The following H6PD variants were observed in gnomAD, a reference collection of about 807,000 sequenced individuals.
H6PD encodes the protein GDH/6PGL endoplasmic bifunctional protein.
A neutral mutation model predicts 61.2 loss-of-function variants in H6PD; 48 were observed. The ratio of observed to expected loss-of-function variants is 0.78; its 90% CI spans 0.62 to 1.00. The LOEUF is 1.00. Among genes scored for constraint, H6PD ranks in the 50% least tolerant of loss-of-function variants. The pLI is 0.00. For synonymous variants in H6PD, 480 were observed against 457.9 expected, an observed-to-expected ratio of 1.05 and a Z score of -0.62; for missense variants, 1,093 against 1,065.0, an observed-to-expected ratio of 1.03 and a Z score of -0.37.
chr1:9,242,549 G>A, intron 1 of H6PD: 7 of 985,366 alleles, frequency 7.1e-6, no homozygotes, highest in Non-Finnish European at 8.4e-6. Flanking sequence ...GGAGGACTGT[G>A]GCAAACCTCA....
rs6688832 is a variant in H6PD, at chr1:9,263,851, G to C, written c.1358G>C (p.Arg453Pro). 6.6e-5 allele frequency: 107 copies of C among 1,613,794 alleles called. No homozygotes were observed. The South Asian group carries it at 6.8e-4, about 10-fold the overall frequency. Reference protein sequence around the residue: ...LSDYYAYSPVRERDAHSVLLS... With the variant: ...LSDYYAYSPVPERDAHSVLLS... ...GATTACTACGCCTACAGCCCTGTGCGGGAGCGGGACGCCCACTCCGTCCTC... is the reference window on the plus strand; with the variant it reads ...GATTACTACGCCTACAGCCCTGTGCCGGAGCGGGACGCCCACTCCGTCCTC... The change falls in exon 5 of 5, where the codon CGG (arginine) becomes CCG (proline). Residue 453 changes from arginine (R) to proline (P), a missense_variant. Arg to Pro is a moderately radical substitution (Grantham distance 103). Coordinates refer to ENST00000377403, the MANE Select transcript of H6PD (RefSeq NM_004285.4).
At position 9,264,065 on chromosome 1, in the gene H6PD, G is replaced by A. The variant is rs766339404; in HGVS notation, c.1572G>A (p.Gln524=). Residue 524 remains glutamine (Q), a synonymous_variant, in exon 5 of 5, where the codon CAG becomes CAA. Coordinates refer to ENST00000377403, the MANE Select transcript of H6PD (RefSeq NM_004285.4). The part of the protein sequence containing the change: ...EFSSGRLFFS[Q]QQPEQLVPGP... ...GTAGCGGCCGGTTGTTCTTTTCCCA[G>A]CAGCAGCCGGAGCAGCTGGTGCCAG... 18 of 1,613,972 alleles carry A rather than the reference G, an allele frequency of 1.1e-5. No individual in the cohort carries two copies. Among genetic ancestry groups the A allele is most frequent in the Non-Finnish European group, 1.5e-5 (18 of 1,180,032 alleles).
intron 1 of H6PD, among the ~76,000 whole-genome samples, chr1:9,244,318 T>G (rs964060422): frequency 1.3e-5 from 2 of 152,164 alleles, no homozygotes; most frequent in Admixed American, 1.3e-4. Context: ...TACAGCCAGG[T>G]TAAATAATTG....
intron 3 of H6PD, among the ~76,000 whole-genome samples, chr1:9,261,074 C>T (rs972816577): frequency 2.0e-5 from 3 of 152,062 alleles, no homozygotes; most frequent in Non-Finnish European, 4.4e-5. Flanking sequence ...TAGTCCAGGC[C>T]CTGTCGTCTC....
In H6PD at chr1:9,245,297, C is replaced by T; in HGVS notation, c.363C>T (p.Asn121=). Residue 121 remains asparagine (N), a synonymous_variant, in exon 2 of 5, where the codon AAC becomes AAT. Transcript: ENST00000377403. The surrounding 1 kb of genome is among the most constrained non-coding windows in gnomAD (Gnocchi z 4.8). ...LKTAEDYQAL[N]KDIEAQLQHA... ...CGGCCGAGGACTATCAGGCCCTGAA[C>T]AAGGACATCGAGGCACAGCTCCAGC... is the stretch of plus-strand genomic sequence containing the variant. The T allele has an allele frequency of 6.2e-7, 1 of 1,614,218 alleles. No homozygotes were observed. Among genetic ancestry groups the T allele is most frequent in the Non-Finnish European group, 8.5e-7 (1 of 1,180,038 alleles).
intron 3 of H6PD, among the ~76,000 whole-genome samples, chr1:9,247,789 C>G (rs1336327745): frequency 6.6e-6 from 1 of 152,126 alleles, no homozygotes; most frequent in African/African-American, 2.4e-5. Flanking sequence ...TCACTCCTTG[C>G]AGCTGTGAGA....
intron 3 of H6PD, among the ~76,000 whole-genome samples, chr1:9,255,234 ACT>A (rs1377283807): frequency 6.6e-6 from 1 of 150,778 alleles, no homozygotes; most frequent in African/African-American, 2.4e-5. Context: ...GAGGATCATG[ACT>A]CTGTTTAACT....
intron 3 of H6PD, among the ~76,000 whole-genome samples, chr1:9,260,378 C>A (rs962321435): frequency 1.3e-5 from 2 of 149,452 alleles, no homozygotes; most frequent in Non-Finnish European, 3.0e-5. Context: ...GTTGTTACAC[C>A]AGTGTTGTTA....
chr1:9,264,090 G>A lies in H6PD; in HGVS notation c.1597G>A (p.Gly533Arg). Residue 533 changes from glycine to arginine, a missense_variant, in exon 5 of 5, where the codon GGG becomes AGG. Coordinates refer to ENST00000377403, the MANE Select transcript of H6PD (RefSeq NM_004285.4). ...SQQQPEQLVP[G>R]PGPAPMPSDF... is the part of the protein sequence containing the mutation. ...GCAGCAGCCGGAGCAGCTGGTGCCA[G>A]GGCCAGGGCCGGCCCCAATGCCCAG... 6.2e-7 allele frequency: 1 copy of A among 1,613,992 alleles called. No individual in the cohort carries two copies. Among genetic ancestry groups the A allele is most frequent in the Non-Finnish European group, 8.5e-7 (1 of 1,179,998 alleles).
At chr1:9,242,654 G>T in intron 1 of H6PD, 1 of 985,452 alleles carries the variant, frequency 1.0e-6, no homozygotes, top group South Asian at 4.7e-5. Context: ...TGGGGGCAGA[G>T]GTGCTGGCCC....
chr1:9,245,677 C>A lies in H6PD; in HGVS notation c.627+116C>A, dbSNP rs1484908775. The stretch of plus-strand genomic sequence containing the variant: ...GCCCCAAGGCATTGTGAACTCAGAG[C>A]TCCCATGGTCTCCTTGAAGGTGGGC... On this transcript the variant is annotated intron_variant, in intron 2 of 4. Transcript: ENST00000377403. The surrounding 1 kb of genome is among the most constrained non-coding windows in gnomAD (Gnocchi z 4.8). 3 of 1,013,020 alleles carry A rather than the reference C, an allele frequency of 3.0e-6. No homozygotes were observed. The highest frequency in any genetic ancestry group is 4.6e-6 in the Non-Finnish European group (3 of 656,440). 62.8% of individuals were successfully genotyped at this position (1,013,020 alleles called of 1,614,324 possible).
At chr1:9,244,545 G>A (rs1042309861) in intron 1 of H6PD, among the ~76,000 whole-genome samples, 1 of 152,232 alleles carries the variant, frequency 6.6e-6, no homozygotes, top group Non-Finnish European at 1.5e-5. Context: ...GGGCTGCCCT[G>A]CTTGTCCGGG....
Position 9,263,766 on chromosome 1 carries a change from T to C in H6PD, c.1273T>C (p.Ser425Pro), listed in dbSNP as rs762433179. ...GAACCTGTTCAGGCCCTCCCTGCCC[T>C]CCAGCTGGAAGGAAATGGAGGGACC... ...SRNLFRPSLP[S>P]SWKEMEGPPG... is the part of the protein sequence containing the mutation. The change falls in exon 5 of 5, where the codon TCC (serine) becomes CCC (proline). Residue 425 changes from serine (S) to proline (P), a missense_variant. Transcript: ENST00000377403. 2 of 1,613,944 alleles carry C rather than the reference T, an allele frequency of 1.2e-6. No homozygotes were observed. Among genetic ancestry groups the C allele is most frequent in the Admixed American group, 1.7e-5 (1 of 60,034 alleles).
rs1423489475 is a variant in H6PD, at chr1:9,270,789, C to G, written c.*5920C>G. ...CCAGGTGAGGAGCAGAGAGACTGTT[C>G]CCTTGGGTGGAGAGGTGTGGGCATG... On this transcript the variant is annotated 3_prime_UTR_variant, in exon 5 of 5. Coordinates refer to ENST00000377403, the MANE Select transcript of H6PD (RefSeq NM_004285.4). 2 of 152,244 alleles carry G rather than the reference C, an allele frequency of 1.3e-5. No homozygotes were observed. The highest frequency in any genetic ancestry group is 2.4e-5 in the African/African-American group (1 of 41,430). The allele number at this position is 152,244 out of a possible 1,614,324, so 9.4% of individuals were successfully genotyped here.
intron 3 of H6PD, among the ~76,000 whole-genome samples, chr1:9,255,264 C>CTTAT (rs770208432): frequency 8.4e-6 from 1 of 118,860 alleles, no homozygotes; most frequent in Admixed American, 8.8e-5. Context: ...GCCAATAACT[C>CTTAT]TTATTTATTT....
intron 1 of H6PD, among the ~76,000 whole-genome samples, chr1:9,243,260 A>G (rs769776087): frequency 1.3e-5 from 2 of 152,108 alleles, no homozygotes; most frequent in African/African-American, 2.4e-5. Flanking sequence ...CTGTATAGGG[A>G]TGGTGGAGAG....
intron 3 of H6PD, among the ~76,000 whole-genome samples, chr1:9,250,856 GCT>G (rs1026044369): frequency 6.6e-6 from 1 of 152,188 alleles, no homozygotes; most frequent in Admixed American, 6.5e-5. Context: ...GGCTTCCCCG[GCT>G]CCCTCCCCTC....
intron 3 of H6PD, among the ~76,000 whole-genome samples, chr1:9,253,323 A>G (rs183666040): frequency 6.6e-6 from 1 of 152,346 alleles, no homozygotes; most frequent in Non-Finnish European, 1.5e-5. Context: ...GAGAGAGGAT[A>G]AAAATAGGAA....
intron 1 of H6PD, among the ~76,000 whole-genome samples, chr1:9,235,863 AAGCCTT>A (rs1640836091): frequency 1.3e-5 from 2 of 152,202 alleles, no homozygotes; most frequent in African/African-American, 4.8e-5. Flanking sequence ...CCTCCTGCTT[AAGCCTT>A]ACGAAGTGTT....
Sources: allele counts gnomAD v4.1 joint callset (sites outside exome capture counted in the v4.1 genomes callset), GRCh38; gene constraint gnomAD v4.1.1; non-coding constraint Gnocchi (gnomAD v3.1); transcripts MANE v1.5; gene names NCBI Gene and HGNC (gene_info 2026-07-23, HGNC 2026-07-21).